Variants in CASS4 observed in about 807,000 individuals in gnomAD.
CASS4 encodes cas scaffolding protein family member 4.
In CASS4, 22 loss-of-function variants were observed where a neutral mutation model predicts 54.2. The observed-to-expected ratio is 0.41, with a 90% confidence interval of 0.29 to 0.58. The LOEUF (loss-of-function observed/expected upper bound fraction) is 0.58, where lower values mean the gene tolerates loss of function less well. Among genes scored for constraint, CASS4 ranks in the 20% least tolerant of loss-of-function variants. The pLI is 0.36. For synonymous variants in CASS4, 409 were observed against 391.5 expected, an observed-to-expected ratio of 1.04 and a Z score of -0.53; for missense variants, 854 against 986.7, an observed-to-expected ratio of 0.87 and a Z score of 1.80.
chr20:56,422,115 C>G (rs1029922964), intron 1 of CASS4, among the ~76,000 whole-genome samples: 1 of 152,190 alleles, frequency 6.6e-6, no homozygotes, highest in African/African-American at 2.4e-5. Flanking sequence ...TTGTCAGCCC[C>G]TTGACTTGAT....
At chr20:56,442,239 G>A (rs887618511) in intron 2 of CASS4, among the ~76,000 whole-genome samples, 12 of 151,728 alleles carry the variant, frequency 7.9e-5, no homozygotes, top group African/African-American at 1.7e-4. Flanking sequence ...TAAGAGAGGC[G>A]TCTATGTGTC....
At chr20:56,454,301 C>T (rs1020261637) in intron 5 of CASS4, among the ~76,000 whole-genome samples, 9 of 152,214 alleles carry the variant, frequency 5.9e-5, no homozygotes, top group African/African-American at 2.2e-4. Context: ...CCAGAAGTCA[C>T]TTGGGGGCTG....
rs563971662 is a variant in CASS4 at position 56,451,056 on chromosome 20, G to C, written c.642+377G>C. 7.1e-4 allele frequency among the ~76,000 whole-genome samples: 107 copies of C among 151,618 alleles called. 1 individual carries two copies. Among genetic ancestry groups the C allele is most frequent in the African/African-American group, 2.5e-3 (104 of 41,372 alleles). ...AAAAAGAAAGAAAGAAATGTTATTA[G>C]CTTGGTCAAAAATTAGAATGCAAAT... is the stretch of plus-strand genomic sequence containing the variant. On this transcript the variant is annotated intron_variant, in intron 4 of 5. Coordinates refer to ENST00000679887, the MANE Select transcript of CASS4 (RefSeq NM_020356.4).
At chr20:56,436,779 T>C (rs1014095550) in intron 1 of CASS4, among the ~76,000 whole-genome samples, 2 of 152,002 alleles carry the variant, frequency 1.3e-5, no homozygotes, top group Non-Finnish European at 2.9e-5. Context: ...CCCAGCTACT[T>C]GGGAGGCTGG....
At chr20:56,413,842 T>TG (rs1979007964) in intron 1 of CASS4, among the ~76,000 whole-genome samples, 1 of 152,172 alleles carries the variant, frequency 6.6e-6, no homozygotes, top group African/African-American at 2.4e-5. Flanking sequence ...ATGGGAAGCG[T>TG]GGGGGTTATT....
At chr20:56,432,339 G>A (rs1027715819) in intron 1 of CASS4, among the ~76,000 whole-genome samples, 3 of 134,078 alleles carry the variant, frequency 2.2e-5, no homozygotes, top group Non-Finnish European at 3.2e-5. Flanking sequence ...AAAGTAGCAT[G>A]TAAGTTTCAT....
intron 1 of CASS4, among the ~76,000 whole-genome samples, chr20:56,436,366 A>ATATATG (rs1362711234): frequency 1.4e-5 from 2 of 144,920 alleles, no homozygotes; most frequent in African/African-American, 5.3e-5. Context: ...GTGTGTATAT[A>ATATATG]TATATATGTA....
In CASS4 at chr20:56,450,599, G is replaced by A. The variant is rs1600772375; in HGVS notation, c.562G>A (p.Glu188Lys). The change falls in exon 4 of 6, where the codon GAG becomes AAG. Residue 188 changes from glutamate to lysine, a missense_variant and splice_region_variant. Physicochemically the swap from Glu to Lys is moderately conservative, Grantham distance 56. Coordinates refer to ENST00000679887, the MANE Select transcript of CASS4 (RefSeq NM_020356.4). ...GTCTGCCTTTGTGGTCTTTCCCCAG[G>A]AGCCAGAGAAGCAGCAGTTATATGA... Reference protein sequence around the residue: ...TQHRGPVVLKEPEKQQLYDIP... With the variant: ...TQHRGPVVLKKPEKQQLYDIP... 1 of 1,613,898 alleles carries A rather than the reference G, an allele frequency of 6.2e-7. No homozygotes were observed. Among genetic ancestry groups the A allele is most frequent in the African/African-American group, 1.3e-5 (1 of 74,918 alleles).
At chr20:56,445,686 G>A (rs1000132329) in intron 2 of CASS4, among the ~76,000 whole-genome samples, 4 of 152,148 alleles carry the variant, frequency 2.6e-5, no homozygotes, top group African/African-American at 9.7e-5. Flanking sequence ...AAAGAACATC[G>A]TGGGCCACGT....
At position 56,453,051 on chromosome 20, in the gene CASS4, T is replaced by C; in HGVS notation, c.1875T>C (p.Ser625=). 6.2e-7 allele frequency: 1 copy of C among 1,613,818 alleles called. No individual in the cohort carries two copies. The highest frequency in any genetic ancestry group is 8.5e-7 in the Non-Finnish European group (1 of 1,179,982). Residue 625 remains serine, a synonymous_variant, in exon 5 of 6, where the codon AGT becomes AGC. Transcript: ENST00000679887. ...PQRETESHQK[S]TPSTKQREDE... ...GAGAAACTGAATCACACCAAAAGAG[T>C]ACCCCTTCCACTAAGCAAAGGGAAG...
chr20:56,442,380 G>C (rs1980501853), intron 2 of CASS4, among the ~76,000 whole-genome samples: 1 of 151,784 alleles, frequency 6.6e-6, no homozygotes. Flanking sequence ...AGCTGATGAA[G>C]TACGACTTCC....
chr20:56,460,311 A>C lies in CASS4; in HGVS notation c.*1564A>C, dbSNP rs985978168. 6 of 152,358 alleles carry C rather than the reference A, an allele frequency of 3.9e-5. No homozygotes were observed. The highest frequency in any genetic ancestry group is 8.8e-5 in the Non-Finnish European group (6 of 67,946). The allele number at this position is 152,358 out of a possible 1,614,324, so 9.4% of individuals were successfully genotyped here. On this transcript the variant is annotated 3_prime_UTR_variant, in exon 6 of 6. Transcript: ENST00000679887. ...CAAAAGTAATTGCGGTTTTTGCCGT[A>C]GACAGTAATGGCAAAAACCACAATT...
intron 1 of CASS4, among the ~76,000 whole-genome samples, chr20:56,428,373 G>A (rs1169363528): frequency 6.6e-6 from 1 of 152,162 alleles, no homozygotes; most frequent in Non-Finnish European, 1.5e-5. Context: ...AGGGGCTTTG[G>A]GGTAAAGATT....
chr20:56,444,283 C>G (rs533806495), intron 2 of CASS4, among the ~76,000 whole-genome samples: 3 of 152,136 alleles, frequency 2.0e-5, no homozygotes, highest in African/African-American at 7.2e-5. Flanking sequence ...TGCCTGCGTT[C>G]CCCTCCCTCA....
Position 56,445,946 on chromosome 20 carries a change from T to C in CASS4, c.506T>C (p.Leu169Pro), listed in dbSNP as rs780584584. ...CCTGTCCGGGCCTCACTGCCGACTC[T>C]GCCTTCCCAGGTGTATGACGTGCCT... is the stretch of plus-strand genomic sequence containing the variant. ...PRPVRASLPT[L>P]PSQVYDVPTQ... The change falls in exon 3 of 6, where the codon CTG (leucine) becomes CCG (proline). Residue 169 changes from leucine (L) to proline (P), a missense_variant. By Grantham distance (98) the Leu-to-Pro change is moderately conservative. Coordinates refer to ENST00000679887, the MANE Select transcript of CASS4 (RefSeq NM_020356.4). The C allele has an allele frequency of 1.4e-5, 23 of 1,614,076 alleles. No individual in the cohort carries two copies. The highest frequency in any genetic ancestry group is 1.9e-5 in the Non-Finnish European group (23 of 1,180,030).
chr20:56,436,621 A>G (rs1374171903), intron 1 of CASS4, among the ~76,000 whole-genome samples: 1 of 152,106 alleles, frequency 6.6e-6, no homozygotes, highest in Non-Finnish European at 1.5e-5. Context: ...GCTATGCTGC[A>G]CTGAACTACA....
intron 5 of CASS4, 131 bp downstream of exon 5, chr20:56,453,260 TA>T: frequency 1.5e-6 from 1 of 677,476 alleles, no homozygotes; most frequent in Non-Finnish European, 2.4e-6. Context: ...TTCTAGAAAA[TA>T]AAATTTATGA....
chr20:56,440,987 A>ATTTT (rs1452007723), intron 2 of CASS4, among the ~76,000 whole-genome samples: 1 of 148,284 alleles, frequency 6.7e-6, no homozygotes, highest in African/African-American at 2.6e-5. Flanking sequence ...TAAAAAAAAA[A>ATTTT]ATTTTTTTTT....
At position 56,460,322 on chromosome 20, in the gene CASS4, G is replaced by A. The variant is rs970600116; in HGVS notation, c.*1575G>A. On this transcript the variant is annotated 3_prime_UTR_variant, in exon 6 of 6. Coordinates refer to ENST00000679887, the MANE Select transcript of CASS4 (RefSeq NM_020356.4). ...GCGGTTTTTGCCGTAGACAGTAATG[G>A]CAAAAACCACAATTGCTTTTGCACC... is the stretch of plus-strand genomic sequence containing the variant. 1.1e-4 allele frequency: 16 copies of A among 152,038 alleles called. No individual in the cohort carries two copies. Among genetic ancestry groups the A allele is most frequent in the Non-Finnish European group, 1.9e-4 (13 of 67,904 alleles). The allele number at this position is 152,038 out of a possible 1,614,324, so 9.4% of individuals were successfully genotyped here.
Sources: allele counts gnomAD v4.1 joint callset (sites outside exome capture counted in the v4.1 genomes callset), GRCh38; gene constraint gnomAD v4.1.1; transcripts MANE v1.5; gene names NCBI Gene and HGNC (gene_info 2026-07-23, HGNC 2026-07-21).